ATIC: variants seen among roughly 807,000 people sequenced by gnomAD.
The protein encoded by ATIC is 5-aminoimidazole-4-carboxamide ribonucleotide formyltransferase/IMP cyclohydrolase.
ATIC carries 64 observed loss-of-function variants against 72.5 expected under a neutral mutation model. That is an observed-to-expected ratio of 0.88 (90% CI 0.72 to 1.09). The LOEUF (loss-of-function observed/expected upper bound fraction) is 1.09, where lower values mean the gene tolerates loss of function less well. Ranked by LOEUF, ATIC falls within the 50% of genes least tolerant of loss-of-function variation. The pLI, the probability that ATIC is intolerant of heterozygous loss-of-function variation, is 0.00. For missense variants in ATIC, 787 were observed against 732.4 expected, an observed-to-expected ratio of 1.07 and a Z score of -0.86; for synonymous variants, 281 against 267.1, an observed-to-expected ratio of 1.05 and a Z score of -0.51.
rs1401470628 is a variant in ATIC, at chr2:215,326,934, C to A, written c.644C>A (p.Thr215Asn). Residue 215 changes from threonine (T) to asparagine (N), a missense_variant, in exon 7 of 16, where the codon ACC (threonine) becomes AAC (asparagine). Physicochemically the swap from Thr to Asn is moderately conservative, Grantham distance 65 (BLOSUM62 0). Transcript: ENST00000236959. Reference sequence around the variant, plus strand: ...AGATATGGAATGAACCCACATCAGACCCCTGCCCAGCTGTACACACTGCAG... The same window carrying A: ...AGATATGGAATGAACCCACATCAGAACCCTGCCCAGCTGTACACACTGCAG... ...PLRYGMNPHQTPAQLYTLQPK... is the reference protein window; with the variant it reads ...PLRYGMNPHQNPAQLYTLQPK... 2 of 1,614,042 alleles carry A rather than the reference C, an allele frequency of 1.2e-6. No individual in the cohort carries two copies. The highest frequency in any genetic ancestry group is 1.7e-6 in the Non-Finnish European group (2 of 1,180,046).
At chr2:215,333,555 AT>A in intron 9 of ATIC, 98 bp downstream of exon 9, 3 of 833,206 alleles carry the variant, frequency 3.6e-6, no homozygotes, top group Non-Finnish European at 5.7e-6. Context: ...AAATATATAG[AT>A]ATTCTGTATA....
rs545143019 is a variant in ATIC at position 215,344,864 on chromosome 2, A to G, written c.1313A>G (p.Asn438Ser). ...TQSNSVCYAK[N>S]GQVIGIGAGQ... ...TCTAACTCTGTGTGCTACGCCAAGA[A>G]CGGGCAGGTAAGTGGGCTGTTGGAC... The change falls in exon 13 of 16, where the codon AAC becomes AGC. Residue 438 changes from asparagine to serine, a missense_variant. Physicochemically the swap from Asn to Ser is conservative, Grantham distance 46. Transcript: ENST00000236959. 17 of 1,613,870 alleles carry G rather than the reference A, an allele frequency of 1.1e-5. No homozygotes were observed. In the African/African-American group the frequency reaches 2.3e-4, roughly 22 times the overall value.
chr2:215,346,805 G>A lies in ATIC; in HGVS notation c.1367G>A (p.Arg456His), dbSNP rs747849021. ...AGQQSRIHCT[R>H]LAGDKANYWW... ...CAGCAGTCTCGTATACACTGCACTC[G>A]CCTTGCAGGAGATAAGGCAAACTAT... The change falls in exon 14 of 16, where the codon CGC becomes CAC. Residue 456 changes from arginine to histidine, a missense_variant. By Grantham distance (29) the Arg-to-His change is conservative. Coordinates refer to ENST00000236959, the MANE Select transcript of ATIC (RefSeq NM_004044.7). 2.0e-5 allele frequency: 33 copies of A among 1,614,010 alleles called. No homozygotes were observed. The highest frequency in any genetic ancestry group is 2.4e-5 in the Non-Finnish European group (28 of 1,180,030).
At chr2:215,313,236 A>G (rs143982618) in intron 2 of ATIC, among the ~76,000 whole-genome samples, 37 of 152,348 alleles carry the variant, frequency 2.4e-4, no homozygotes, top group African/African-American at 7.9e-4. Flanking sequence ...TAGGTGGGCC[A>G]CTTGTTATGC....
the ATIC span, chr2:215,367,795 G>T: frequency 6.7e-7 from 1 of 1,490,498 alleles, no homozygotes; most frequent in Non-Finnish European, 9.4e-7. Context: ...TGCTTCCTTG[G>T]CACATGAGTG....
chr2:215,341,530 G>A (rs534405037), intron 12 of ATIC, among the ~76,000 whole-genome samples: 1 of 152,296 alleles, frequency 6.6e-6, no homozygotes. Flanking sequence ...ATGAGAGAAT[G>A]ATAGCTTTGT....
chr2:215,348,861 G>A (rs1242607225), intron 14 of ATIC: 2 of 305,554 alleles, frequency 6.5e-6, no homozygotes, highest in Middle Eastern at 1.1e-3. Context: ...GGGAGGCTGA[G>A]GCAGGAGAAT....
the ATIC span, among the ~76,000 whole-genome samples, chr2:215,356,057 T>C: frequency 6.6e-6 from 1 of 152,232 alleles, no homozygotes; most frequent in Non-Finnish European, 1.5e-5. Context: ...ATGTGATGTT[T>C]AGTGATTCAC....
intron 7 of ATIC, among the ~76,000 whole-genome samples, chr2:215,329,202 C>T (rs2052863151): frequency 6.6e-6 from 1 of 152,142 alleles, no homozygotes; most frequent in South Asian, 2.1e-4. Flanking sequence ...TTATATCTGA[C>T]CTATTTCCTG....
intron 3 of ATIC, among the ~76,000 whole-genome samples, chr2:215,318,918 C>G (rs1289111660): frequency 1.3e-5 from 2 of 151,820 alleles, no homozygotes; most frequent in Admixed American, 6.6e-5. Context: ...ATACTCTTGC[C>G]CAGGCTGGAG....
chr2:215,341,498 G>T (rs1259363461), intron 12 of ATIC, among the ~76,000 whole-genome samples: 1 of 152,132 alleles, frequency 6.6e-6, no homozygotes. Flanking sequence ...TGAATTCTTA[G>T]TAGAAATTTG....
the ATIC span, among the ~76,000 whole-genome samples, chr2:215,357,543 T>C: frequency 6.6e-6 from 1 of 152,248 alleles, no homozygotes; most frequent in African/African-American, 2.4e-5. Context: ...CTGACTCTAC[T>C]GAGGAATGTT....
Position 215,336,054 on chromosome 2 carries a change from C to G in ATIC, c.1028C>G (p.Ala343Gly), listed in dbSNP as rs772232912. The G allele has an allele frequency of 1.4e-5, 22 of 1,611,468 alleles. No individual in the cohort carries two copies. In the South Asian group the frequency reaches 2.0e-4, roughly 15 times the overall value. ...TTGCAGGTATCTGATGGTATAATTG[C>G]CCCAGGATATGAAGAAGAAGCCTTG... ...ISREVSDGII[A>G]PGYEEEALTI... Residue 343 changes from alanine (A) to glycine (G), a missense_variant, in exon 11 of 16, where the codon GCC becomes GGC. Physicochemically the swap from Ala to Gly is moderately conservative, Grantham distance 60. Transcript: ENST00000236959.
chr2:215,338,847 G>T lies in ATIC; in HGVS notation c.1167G>T (p.Lys389Asn), dbSNP rs144164451. The T allele has an allele frequency of 9.4e-5, 151 of 1,613,792 alleles. No homozygotes were observed. The highest frequency in any genetic ancestry group is 1.2e-4 in the Non-Finnish European group (141 of 1,179,912). ...RTLFGLHLSQ[K>N]RNNGVVDKSL... is the part of the protein sequence containing the mutation. ...TCTTTGGTCTTCATTTAAGCCAGAA[G>T]AGAAATAATGGTGTCGTCGACAAGT... The change falls in exon 12 of 16, where the codon AAG becomes AAT. Residue 389 changes from lysine to asparagine, a missense_variant. Lys to Asn is a moderately conservative substitution (Grantham distance 94, BLOSUM62 0). Coordinates refer to ENST00000236959, the MANE Select transcript of ATIC (RefSeq NM_004044.7).
At chr2:215,340,155 T>C (rs2053004127) in intron 12 of ATIC, among the ~76,000 whole-genome samples, 1 of 152,226 alleles carries the variant, frequency 6.6e-6, no homozygotes, top group Non-Finnish European at 1.5e-5. Context: ...TTTGGGCTTG[T>C]GCTCTTTGTT....
At chr2:215,319,753 T>A in intron 4 of ATIC, 22 bp downstream of exon 4, 1 of 1,576,206 alleles carries the variant, frequency 6.3e-7, no homozygotes, top group South Asian at 1.1e-5. Flanking sequence ...AAATTAAACT[T>A]TTAACACATT....
chr2:215,361,335 G>C, the ATIC span: 2 of 582,060 alleles, frequency 3.4e-6, no homozygotes. Flanking sequence ...CTTCGAAGCA[G>C]AACAGGCAAT....
At chr2:215,349,907 A>G (rs1575128047), downstream of ATIC, 1 of 591,188 alleles carries the variant, frequency 1.7e-6, no homozygotes, top group Non-Finnish European at 2.9e-6. Flanking sequence ...CCCGTGTGAA[A>G]CATAAACATT....
the ATIC span, among the ~76,000 whole-genome samples, chr2:215,368,332 A>G: frequency 1.3e-5 from 2 of 152,208 alleles, no homozygotes; most frequent in Non-Finnish European, 2.9e-5. Flanking sequence ...AATTGAAGCT[A>G]GTGGAGAACT....
Sources: allele counts gnomAD v4.1 joint callset (sites outside exome capture counted in the v4.1 genomes callset), GRCh38; gene constraint gnomAD v4.1.1; transcripts MANE v1.5; gene names NCBI Gene and HGNC (gene_info 2026-07-23, HGNC 2026-07-21).